BTBD2: variants seen among roughly 807,000 people sequenced by gnomAD.
BTBD2 encodes BTB domain containing 2, also known as BTB/POZ domain-containing protein 2.
Under a neutral mutation model 44.0 loss-of-function variants are expected in BTBD2, and 15 were observed. That is an observed-to-expected ratio of 0.34 (90% CI 0.23 to 0.53). The LOEUF is 0.53. BTBD2 is among the 20% of genes least tolerant of loss of function. The pLI is 0.95. For synonymous variants in BTBD2, 443 were observed against 335.9 expected (o/e 1.32, Z -3.49); for missense variants, 657 against 746.4 (o/e 0.88, Z 1.39).
intron 1 of BTBD2, among the ~76,000 whole-genome samples, chr19:2,009,424 T>G (rs112722523): frequency 6.6e-6 from 1 of 151,184 alleles, no homozygotes; most frequent in African/African-American, 2.4e-5. Flanking sequence ...GGTCTCAAAT[T>G]CCTGACCTCG....
intron 4 of BTBD2, 93 bp downstream of exon 4, chr19:1,990,624 A>G (rs2145622351): frequency 1.6e-6 from 2 of 1,220,824 alleles, no homozygotes; most frequent in South Asian, 1.4e-5. Flanking sequence ...CACCTGTGCA[A>G]CTCCCCCAGG....
chr19:1,995,529 A>G (rs1197229873), intron 2 of BTBD2, among the ~76,000 whole-genome samples: 36 of 149,194 alleles, frequency 2.4e-4, no homozygotes, highest in Non-Finnish European at 3.4e-4. Context: ...TGATCCACCC[A>G]CCTCGGCCTC....
At chr19:1,999,481 C>T (rs1242827465) in intron 1 of BTBD2, among the ~76,000 whole-genome samples, 2 of 152,190 alleles carry the variant, frequency 1.3e-5, no homozygotes, top group Non-Finnish European at 2.9e-5. Flanking sequence ...GCCTGGGCAA[C>T]ATAGTGAGAC....
At position 2,015,402 on chromosome 19, in the gene BTBD2, G is replaced by T; in HGVS notation, c.302C>A (p.Pro101His). 6.4e-7 allele frequency: 1 copy of T among 1,556,422 alleles called. No homozygotes were observed. Residue 101 changes from proline to histidine, a missense_variant, in exon 1 of 9, where the codon CCC becomes CAC. Around this residue, in one of 3 missense-constraint regions of BTBD2, gnomAD observed 191 missense variants for 188.5 expected, o/e 1.01. Transcript: ENST00000255608. ...GAAGGCGAAGCGCTCCTGCACGGTG[G>T]GCTTGCTGGCCTGCCAGTTGTACGC... Reference protein sequence around the residue: ...EAAYNWQASKPTVQERFAFLF... With the variant: ...EAAYNWQASKHTVQERFAFLF...
intron 5 of BTBD2, chr19:1,989,796 C>T (rs1214610910): frequency 8.3e-6 from 5 of 604,306 alleles, no homozygotes; most frequent in Non-Finnish European, 1.5e-5. Context: ...CGGGGTCTGG[C>T]AGTGTGCACG....
At chr19:1,991,924 T>TG (rs1170929333) in intron 3 of BTBD2, 5 of 151,886 alleles carry the variant, frequency 3.3e-5, no homozygotes, top group African/African-American at 1.2e-4. Flanking sequence ...GGTTTTTTTT[T>TG]TTCTTTTTTT....
rs578257859 is a variant in BTBD2, at chr19:2,012,868, C to T, written c.407+2429G>A. ...CGGTGCCCGGGGCGCCCCACCTCCC[C>T]CCTCAAACAGAAAGCCTGGGATTCT... On this transcript the variant is annotated intron_variant, in intron 1 of 8. Coordinates refer to ENST00000255608, the MANE Select transcript of BTBD2 (RefSeq NM_017797.4). Among the ~76,000 whole-genome samples, 26 of 152,302 alleles carry T rather than the reference C, an allele frequency of 1.7e-4. No homozygotes were observed. In the South Asian group the frequency reaches 5.2e-3, roughly 30 times the overall value.
chr19:1,996,433 G>A (rs1413987168), intron 2 of BTBD2, among the ~76,000 whole-genome samples: 1 of 144,804 alleles, frequency 6.9e-6, no homozygotes, highest in African/African-American at 2.6e-5. Context: ...CATGGGATGT[G>A]TTTCCATTTA....
At chr19:1,999,887 G>A (rs550197787) in intron 1 of BTBD2, among the ~76,000 whole-genome samples, 13 of 151,676 alleles carry the variant, frequency 8.6e-5, no homozygotes, top group South Asian at 2.1e-4. Flanking sequence ...GCTTGAACCC[G>A]GGAGGCGGAG....
At chr19:2,006,061 G>A (rs1011736407) in intron 1 of BTBD2, among the ~76,000 whole-genome samples, 3 of 151,030 alleles carry the variant, frequency 2.0e-5, no homozygotes, top group Non-Finnish European at 2.9e-5. Context: ...GAACTCCAGT[G>A]TGGGTGACAG....
intron 1 of BTBD2, among the ~76,000 whole-genome samples, chr19:2,005,110 G>A (rs990337699): frequency 6.6e-6 from 1 of 152,114 alleles, no homozygotes; most frequent in Admixed American, 6.6e-5. Context: ...GTGAGCCACT[G>A]CGCCCAGCCA....
chr19:1,996,791 G>C (rs2016257107), intron 2 of BTBD2, among the ~76,000 whole-genome samples: 1 of 152,072 alleles, frequency 6.6e-6, no homozygotes, highest in African/African-American at 2.4e-5. Flanking sequence ...AGAATCACTT[G>C]AACCAGGAAG....
At chr19:1,992,524 G>A (rs1489386703) in intron 3 of BTBD2, among the ~76,000 whole-genome samples, 1 of 152,072 alleles carries the variant, frequency 6.6e-6, no homozygotes, top group African/African-American at 2.4e-5. Flanking sequence ...ACAGGCGTGA[G>A]CCACCGCACC....
chr19:1,986,725 C>T (rs1015564232), intron 8 of BTBD2, 76 bp from the exon 9 acceptor site: 28 of 1,584,734 alleles, frequency 1.8e-5, no homozygotes, highest in African/African-American at 9.4e-5. Context: ...GGCAAGGCCC[C>T]GACTGGGCCA....
chr19:1,987,362 C>T (rs1483976222), intron 6 of BTBD2, 109 bp from the exon 7 acceptor site: 15 of 1,430,354 alleles, frequency 1.0e-5, no homozygotes, highest in Non-Finnish European at 1.3e-5. Context: ...CTGAGTCCTC[C>T]ACCCCCATGC....
intron 1 of BTBD2, among the ~76,000 whole-genome samples, chr19:1,998,632 C>T (rs966024498): frequency 2.0e-5 from 3 of 152,134 alleles, no homozygotes; most frequent in Non-Finnish European, 2.9e-5. Flanking sequence ...TATGAACCCG[C>T]GTTTGGCCAG....
At chr19:1,987,391 T>C in intron 6 of BTBD2, 109 bp downstream of exon 6, 2 of 575,534 alleles carry the variant, frequency 3.5e-6, no homozygotes, top group Non-Finnish European at 5.2e-6. Flanking sequence ...CCCCCCGCCG[T>C]CTTCATCATC....
intron 8 of BTBD2, 56 bp from the exon 9 acceptor site, chr19:1,986,705 G>A: frequency 1.9e-6 from 3 of 1,599,544 alleles, no homozygotes; most frequent in Non-Finnish European, 2.6e-6. Flanking sequence ...GATGCCCCAG[G>A]TGTGGACAGG....
In BTBD2 at chr19:2,015,525, G is replaced by C. The variant is rs1299631662; in HGVS notation, c.179C>G (p.Pro60Arg). ...AAAAAPGPTP[P>R]APPGPGTDAQ... is the part of the protein sequence containing the mutation. ...GTCTGTCCCGGGGCCCGGCGGGGCGGGCGGCGTCGGCCCAGGGGCGGCGGC... is the reference window on the plus strand; with the variant it reads ...GTCTGTCCCGGGGCCCGGCGGGGCGCGCGGCGTCGGCCCAGGGGCGGCGGC... The change falls in exon 1 of 9, where the codon CCC becomes CGC. Residue 60 changes from proline to arginine, a missense_variant. By Grantham distance (103) the Pro-to-Arg change is moderately radical. Around this residue, in one of 3 missense-constraint regions of BTBD2, gnomAD observed 191 missense variants for 188.5 expected, o/e 1.01. Transcript: ENST00000255608. The C allele has an allele frequency of 3.1e-6, 3 of 963,376 alleles. No homozygotes were observed. The highest frequency in any genetic ancestry group is 3.6e-6 in the Non-Finnish European group (3 of 823,118). 59.7% of individuals were successfully genotyped at this position (963,376 alleles called of 1,614,324 possible). A position where few individuals can be genotyped will look rare whatever the true frequency, so the allele number is the denominator to read the frequency against.
Sources: gnomAD v4.1 joint callset for allele counts (sites outside exome capture counted in the v4.1 genomes callset) on GRCh38, gnomAD v4.1.1 for gene constraint, gnomAD v4.1.1 regional missense constraint, MANE v1.5 for transcripts, NCBI Gene and HGNC (gene_info 2026-07-23, HGNC 2026-07-21) for gene names.